GALNTL6: variants seen among roughly 807,000 people sequenced by gnomAD.
The protein encoded by GALNTL6 is polypeptide N-acetylgalactosaminyltransferase like 6.
In GALNTL6, 46 loss-of-function variants were observed where a neutral mutation model predicts 73.7. The ratio of observed to expected loss-of-function variants is 0.62; its 90% CI spans 0.49 to 0.80. The LOEUF is 0.80. GALNTL6 is among the 30% of genes least tolerant of loss of function. The pLI is 0.00. For synonymous variants in GALNTL6, 259 were observed against 263.7 expected, an observed-to-expected ratio of 0.98 and a Z score of 0.17; for missense variants, 604 against 755.0, an observed-to-expected ratio of 0.80 and a Z score of 2.34.
At chr4:171,978,905 TAAG>T (rs1340541489) in intron 2 of GALNTL6, among the ~76,000 whole-genome samples, 23 of 152,202 alleles carry the variant, frequency 1.5e-4, no homozygotes, top group African/African-American at 5.3e-4. Context: ...TAAATCAAAA[TAAG>T]AGATCTCTTC....
intron 5 of GALNTL6, among the ~76,000 whole-genome samples, chr4:172,363,884 T>C (rs74983185): frequency 1.3e-5 from 2 of 152,136 alleles, no homozygotes; most frequent in Non-Finnish European, 2.9e-5. Context: ...TGTTGAGAGA[T>C]TCTACAAATA....
chr4:171,952,016 A>C (rs1738899336), intron 2 of GALNTL6, among the ~76,000 whole-genome samples: 1 of 152,038 alleles, frequency 6.6e-6, no homozygotes, highest in Admixed American at 6.6e-5. Context: ...CAATTAATGA[A>C]ATAGAATACA....
intron 3 of GALNTL6, among the ~76,000 whole-genome samples, chr4:172,251,640 A>G (rs534449634): frequency 6.6e-6 from 1 of 152,282 alleles, no homozygotes; most frequent in South Asian, 2.1e-4. Context: ...TAAGTGACAA[A>G]TGACTTAATG....
intron 2 of GALNTL6, among the ~76,000 whole-genome samples, chr4:171,892,544 A>T (rs1272320157): frequency 1.3e-5 from 2 of 152,180 alleles, no homozygotes; most frequent in Non-Finnish European, 2.9e-5. Flanking sequence ...AGTAACAATA[A>T]CATTTATAAT....
chr4:172,677,591 G>A (rs182963213), intron 5 of GALNTL6, among the ~76,000 whole-genome samples: 8 of 152,214 alleles, frequency 5.3e-5, no homozygotes, highest in African/African-American at 1.9e-4. Flanking sequence ...TCCAGGAAGA[G>A]TAGAATAAAG....
intron 2 of GALNTL6, among the ~76,000 whole-genome samples, chr4:172,184,300 G>A (rs1341139877): frequency 6.6e-6 from 1 of 152,038 alleles, no homozygotes; most frequent in East Asian, 1.9e-4. Flanking sequence ...TGTGTATGTG[G>A]CATTCACCTT....
intron 2 of GALNTL6, among the ~76,000 whole-genome samples, chr4:171,818,260 C>A (rs1333703421): frequency 2.6e-5 from 4 of 151,542 alleles, no homozygotes; most frequent in African/African-American, 9.7e-5. Context: ...CTACTATATC[C>A]AGTCTTATTG....
chr4:172,394,307 C>A (rs1579030194), intron 5 of GALNTL6, among the ~76,000 whole-genome samples: 1 of 151,798 alleles, frequency 6.6e-6, no homozygotes, highest in African/African-American at 2.4e-5. Context: ...TATTTGTATT[C>A]ACATATTATA....
At chr4:172,073,796 A>C (rs72986546) in intron 2 of GALNTL6, among the ~76,000 whole-genome samples, 4,671 of 152,320 alleles carry the variant, frequency 0.031, 156 homozygotes, top group African/African-American at 0.077. Context: ...TGTAAAGAGT[A>C]CTGCAATTTG....
intron 2 of GALNTL6, among the ~76,000 whole-genome samples, chr4:172,227,425 G>T (rs1414732726): frequency 6.6e-6 from 1 of 152,118 alleles, no homozygotes; most frequent in African/African-American, 2.4e-5. Flanking sequence ...TACCATTGAC[G>T]CTCCAGTCTT....
chr4:172,248,080 T>A (rs923372385), intron 3 of GALNTL6, among the ~76,000 whole-genome samples: 2 of 152,138 alleles, frequency 1.3e-5, no homozygotes, highest in Admixed American at 1.3e-4. Flanking sequence ...ACAGTCCTCA[T>A]AAGGTTTTCA....
chr4:172,646,344 T>A (rs938629845), intron 5 of GALNTL6, among the ~76,000 whole-genome samples: 2 of 152,080 alleles, frequency 1.3e-5, no homozygotes, highest in Non-Finnish European at 2.9e-5. Context: ...ATGAACATGG[T>A]ATATTTCTCT....
chr4:172,006,812 T>G (rs1375847011), intron 2 of GALNTL6, among the ~76,000 whole-genome samples: 2 of 152,032 alleles, frequency 1.3e-5, no homozygotes, highest in East Asian at 3.9e-4. Flanking sequence ...CTTTCTGGAT[T>G]CTGAGGTTCT....
intron 5 of GALNTL6, among the ~76,000 whole-genome samples, chr4:172,784,239 T>G (rs1295907585): frequency 6.6e-6 from 1 of 152,088 alleles, no homozygotes; most frequent in Non-Finnish European, 1.5e-5. Flanking sequence ...TAAAACTTCA[T>G]TCTAAACAAA....
chr4:172,734,611 G>C (rs1736345383), intron 5 of GALNTL6, among the ~76,000 whole-genome samples: 1 of 152,180 alleles, frequency 6.6e-6, no homozygotes, highest in African/African-American at 2.4e-5. Context: ...GTCTTGAGAA[G>C]CTCTGCCCCT....
intron 5 of GALNTL6, among the ~76,000 whole-genome samples, chr4:172,563,791 T>C (rs1202002873): frequency 6.6e-6 from 1 of 152,236 alleles, no homozygotes; most frequent in African/African-American, 2.4e-5. Context: ...GTTAATGGAA[T>C]AATATTGCAG....
chr4:172,567,913 A>C (rs1349563315), intron 5 of GALNTL6, among the ~76,000 whole-genome samples: 1 of 152,174 alleles, frequency 6.6e-6, no homozygotes, highest in Admixed American at 6.5e-5. Flanking sequence ...CCAGAACCTG[A>C]ATTGAAATTG....
At chr4:172,547,255 A>C (rs903726118) in intron 5 of GALNTL6, among the ~76,000 whole-genome samples, 1 of 152,122 alleles carries the variant, frequency 6.6e-6, no homozygotes, top group East Asian at 1.9e-4. Flanking sequence ...TCATAGCACC[A>C]GAATGGAAAC....
At chr4:172,075,790 C>T (rs1474870676) in intron 2 of GALNTL6, among the ~76,000 whole-genome samples, 2 of 147,464 alleles carry the variant, frequency 1.4e-5, no homozygotes, top group Non-Finnish European at 3.0e-5. Flanking sequence ...AGAGAGAGAG[C>T]GATCACTGTG....
Sources: gnomAD v4.1 joint callset for allele counts (sites outside exome capture counted in the v4.1 genomes callset) on GRCh38, gnomAD v4.1.1 for gene constraint, MANE v1.5 for transcripts, NCBI Gene and HGNC (gene_info 2026-07-23, HGNC 2026-07-21) for gene names.